Variants in JAM3 observed in about 807,000 individuals in gnomAD.
The protein encoded by JAM3 is junctional adhesion molecule 3.
Under a neutral mutation model 39.4 loss-of-function variants are expected in JAM3, and 31 were observed. The ratio of observed to expected loss-of-function variants is 0.79; its 90% CI spans 0.59 to 1.06. The LOEUF is 1.06. Ranked by LOEUF, JAM3 falls within the 50% of genes least tolerant of loss-of-function variation. The probability of loss-of-function intolerance (pLI) is 0.00; values close to 1 mark genes in which losing one functional copy is unlikely to be tolerated. For missense variants in JAM3, 455 were observed against 391.4 expected (o/e 1.16, Z -1.37); for synonymous variants, 182 against 148.7 (o/e 1.22, Z -1.63).
At chr11:134,123,841 G>A in intron 1 of JAM3, 1 of 790,780 alleles carries the variant, frequency 1.3e-6, no homozygotes, top group Non-Finnish European at 2.3e-6. Context: ...ACACAGCAGT[G>A]CCCGTTGGTA....
intron 1 of JAM3, among the ~76,000 whole-genome samples, chr11:134,076,735 G>T (rs544799994): frequency 2.0e-5 from 3 of 151,170 alleles, no homozygotes; most frequent in Non-Finnish European, 4.4e-5. Context: ...TAGAGACGAG[G>T]TCTCACTATA....
At chr11:134,141,940 T>C (rs1565504512) in intron 3 of JAM3, among the ~76,000 whole-genome samples, 1 of 151,916 alleles carries the variant, frequency 6.6e-6, no homozygotes, top group Non-Finnish European at 1.5e-5. Context: ...AGTCTTGCTT[T>C]GGGTTCTCAG....
chr11:134,074,911 A>G (rs1197694495), intron 1 of JAM3, among the ~76,000 whole-genome samples: 2 of 152,010 alleles, frequency 1.3e-5, no homozygotes, highest in African/African-American at 2.4e-5. Flanking sequence ...TCTCTAAGGA[A>G]AATATTTAAT....
intron 1 of JAM3, among the ~76,000 whole-genome samples, chr11:134,131,318 G>C (rs1401114879): frequency 6.6e-6 from 1 of 152,018 alleles, no homozygotes; most frequent in Non-Finnish European, 1.5e-5. Flanking sequence ...TCTTATAATA[G>C]CTGAACACAA....
At chr11:134,091,302 T>G (rs1022774695) in intron 1 of JAM3, among the ~76,000 whole-genome samples, 15 of 152,120 alleles carry the variant, frequency 9.9e-5, no homozygotes, top group African/African-American at 3.6e-4. Context: ...GAGACCATAC[T>G]GGCTAACACT....
intron 1 of JAM3, among the ~76,000 whole-genome samples, chr11:134,113,196 CTGG>C (rs1444584573): frequency 8.1e-6 from 1 of 123,724 alleles, no homozygotes; most frequent in Admixed American, 7.6e-5. Context: ...ACTGGACTGT[CTGG>C]TTTTTTTTTT....
intron 1 of JAM3, among the ~76,000 whole-genome samples, chr11:134,133,230 A>T (rs1280131522): frequency 6.6e-6 from 1 of 152,212 alleles, no homozygotes; most frequent in Non-Finnish European, 1.5e-5. Flanking sequence ...AGATCATGCC[A>T]GCTACAAACA....
chr11:134,080,611 C>G (rs1048569396), intron 1 of JAM3, among the ~76,000 whole-genome samples: 1 of 152,180 alleles, frequency 6.6e-6, no homozygotes, highest in African/African-American at 2.4e-5. Context: ...TACCTTCTGC[C>G]GTGATTGTGA....
intron 3 of JAM3, among the ~76,000 whole-genome samples, chr11:134,141,386 G>A (rs1942969810): frequency 1.3e-5 from 2 of 152,010 alleles, no homozygotes; most frequent in South Asian, 2.1e-4. Flanking sequence ...AGCAACAGAC[G>A]GACTGGCTGA....
chr11:134,134,418 A>C (rs1023484431), intron 1 of JAM3, among the ~76,000 whole-genome samples: 2 of 151,446 alleles, frequency 1.3e-5, no homozygotes, highest in Non-Finnish European at 2.9e-5. Flanking sequence ...AAAAAAAAAA[A>C]AAAACATCTA....
intron 1 of JAM3, among the ~76,000 whole-genome samples, chr11:134,108,564 T>C (rs1284782812): frequency 1.3e-5 from 2 of 152,182 alleles, no homozygotes. Context: ...AAAGACCAAG[T>C]TCTGGCTGTT....
At chr11:134,126,166 A>T (rs1712355024) in intron 1 of JAM3, among the ~76,000 whole-genome samples, 1 of 152,172 alleles carries the variant, frequency 6.6e-6, no homozygotes, top group African/African-American at 2.4e-5. Flanking sequence ...ACAACTGTCC[A>T]TAAAGGTAGA....
At chr11:134,145,107 A>G in intron 5 of JAM3, 113 bp downstream of exon 5, 2 of 881,534 alleles carry the variant, frequency 2.3e-6, no homozygotes, top group Non-Finnish European at 3.8e-6. Flanking sequence ...GACAGGAGTC[A>G]AAAATCTAGA....
intron 1 of JAM3, among the ~76,000 whole-genome samples, chr11:134,073,647 C>A (rs896284288): frequency 4.9e-4 from 74 of 152,190 alleles, no homozygotes; most frequent in African/African-American, 1.7e-3. Flanking sequence ...ATGGGTAAAA[C>A]ATCGCCAGTC....
At chr11:134,107,010 C>T (rs1942204612) in intron 1 of JAM3, among the ~76,000 whole-genome samples, 1 of 152,174 alleles carries the variant, frequency 6.6e-6, no homozygotes, top group Non-Finnish European at 1.5e-5. Flanking sequence ...ATAAATCATA[C>T]TGCTATAAAG....
At chr11:134,133,255 ACTTC>A (rs2120825535) in intron 1 of JAM3, among the ~76,000 whole-genome samples, 1 of 152,306 alleles carries the variant, frequency 6.6e-6, no homozygotes, top group African/African-American at 2.4e-5. Context: ...TAATTTTCCT[ACTTC>A]CTTTCCAACT....
At chr11:134,128,814 A>G (rs1452261787) in intron 1 of JAM3, among the ~76,000 whole-genome samples, 1 of 152,230 alleles carries the variant, frequency 6.6e-6, no homozygotes. Context: ...TTATAGTGTG[A>G]AAATGGACTA....
At chr11:134,125,936 CA>C (rs1942640655) in intron 1 of JAM3, among the ~76,000 whole-genome samples, 3 of 152,212 alleles carry the variant, frequency 2.0e-5, no homozygotes, top group Admixed American at 1.3e-4. Context: ...AACTGATCTA[CA>C]GGAAGCAGCG....
chr11:134,149,339 T>A lies in JAM3; in HGVS notation c.*158T>A, dbSNP rs1591811774. 1 of 777,324 alleles carries A rather than the reference T, an allele frequency of 1.3e-6. No homozygotes were observed. Among genetic ancestry groups the A allele is most frequent in the Non-Finnish European group, 2.2e-6 (1 of 462,350 alleles). 48.2% of individuals were successfully genotyped at this position (777,324 alleles called of 1,614,324 possible). ...AAGTTGACCACTACTCTTCTTACTC[T>A]AACAAGCCACATGAATAGAAGAATT... On this transcript the variant is annotated 3_prime_UTR_variant, in exon 9 of 9. Transcript: ENST00000299106.
Sources: gnomAD v4.1 joint callset for allele counts (sites outside exome capture counted in the v4.1 genomes callset) on GRCh38, gnomAD v4.1.1 for gene constraint, MANE v1.5 for transcripts, NCBI Gene and HGNC (gene_info 2026-07-23, HGNC 2026-07-21) for gene names.